Variants in RSPO2 observed in about 807,000 individuals in gnomAD.
RSPO2 encodes the protein R-spondin-2.
In RSPO2, 14 loss-of-function variants were observed where a neutral mutation model predicts 30.9. The observed-to-expected ratio is 0.45, with a 90% CI of 0.30 to 0.71. The LOEUF (loss-of-function observed/expected upper bound fraction) is 0.71, where lower values mean the gene tolerates loss of function less well. Ranked by LOEUF, RSPO2 falls within the 30% of genes least tolerant of loss-of-function variation. The probability of loss-of-function intolerance (pLI) is 0.08; values close to 1 mark genes in which losing one functional copy is unlikely to be tolerated. For missense variants in RSPO2, 264 were observed against 301.9 expected (o/e 0.87, Z 0.93); for synonymous variants, 107 against 96.4 (o/e 1.11, Z -0.64).
chr8:107,966,681 G>A (rs879042418), intron 3 of RSPO2, among the ~76,000 whole-genome samples: 1 of 152,146 alleles, frequency 6.6e-6, no homozygotes, highest in Admixed American at 6.5e-5. Context: ...CTTGGCAAAT[G>A]GACAGAGTTC....
At chr8:107,934,885 G>C (rs943614677) in intron 5 of RSPO2, among the ~76,000 whole-genome samples, 2 of 152,080 alleles carry the variant, frequency 1.3e-5, no homozygotes, top group Non-Finnish European at 2.9e-5. Context: ...AATTTCCTAT[G>C]CCTGTCTTTA....
intron 2 of RSPO2, among the ~76,000 whole-genome samples, chr8:107,992,624 G>A (rs1038058140): frequency 6.6e-6 from 1 of 152,172 alleles, no homozygotes; most frequent in East Asian, 1.9e-4. Flanking sequence ...TCCAGATAAA[G>A]ACATGAGTTC....
intron 3 of RSPO2, among the ~76,000 whole-genome samples, chr8:107,967,883 A>C (rs1473649907): frequency 1.3e-5 from 2 of 152,174 alleles, no homozygotes; most frequent in Non-Finnish European, 2.9e-5. Flanking sequence ...ACTGTGGTCA[A>C]GTCAGTGAAG....
chr8:107,954,799 C>T (rs576388885), intron 5 of RSPO2, among the ~76,000 whole-genome samples: 31 of 151,964 alleles, frequency 2.0e-4, no homozygotes, highest in African/African-American at 7.0e-4. Flanking sequence ...TTAGTAGAGG[C>T]GGGGTTTCAC....
chr8:108,000,089 C>T (rs956666358), intron 2 of RSPO2, among the ~76,000 whole-genome samples: 19 of 152,212 alleles, frequency 1.2e-4, no homozygotes, highest in South Asian at 1.2e-3. Context: ...TTAATAACTA[C>T]GGTTCAAGGA....
At position 107,900,366 on chromosome 8, in the gene RSPO2, C is replaced by CAAA. The variant is rs1398754119; in HGVS notation, c.*706_*708dup. On this transcript the variant is annotated 3_prime_UTR_variant, in exon 6 of 6. Transcript: ENST00000276659. ...AAAAAAAAAAAGTTTCAAGAGGCAA[C>CAAA]AAAACAAGTGTCAATTCCCCAAACT... 6.6e-6 allele frequency: 1 copy of CAAA among 151,818 alleles called. No individual in the cohort carries two copies. Among genetic ancestry groups the CAAA allele is most frequent in the East Asian group, 1.9e-4 (1 of 5,170 alleles). The allele number at this position is 151,818 out of a possible 1,614,324, so 9.4% of individuals were successfully genotyped here. A position where few individuals can be genotyped will look rare whatever the true frequency, so the allele number is the denominator to read the frequency against.
intron 2 of RSPO2, among the ~76,000 whole-genome samples, chr8:108,073,997 C>T (rs1420968675): frequency 6.6e-6 from 1 of 152,188 alleles, no homozygotes; most frequent in African/African-American, 2.4e-5. Flanking sequence ...AGAGATGAAA[C>T]TTGGACCTCT....
chr8:107,906,955 A>G (rs4735021), intron 5 of RSPO2, among the ~76,000 whole-genome samples: 13,558 of 151,942 alleles, frequency 0.089, 781 homozygotes, highest in East Asian at 0.18. Context: ...TTCAAATATA[A>G]GAGTTATATA....
At chr8:107,973,641 T>C (rs2130478807) in intron 3 of RSPO2, among the ~76,000 whole-genome samples, 1 of 152,268 alleles carries the variant, frequency 6.6e-6, no homozygotes, top group South Asian at 2.1e-4. Flanking sequence ...CTTTATCTGA[T>C]GTAAAATGCA....
At chr8:107,937,001 C>T (rs879618846) in intron 5 of RSPO2, among the ~76,000 whole-genome samples, 5 of 151,986 alleles carry the variant, frequency 3.3e-5, no homozygotes, top group African/African-American at 9.7e-5. Flanking sequence ...AACGTAGTCC[C>T]GTTTGTCTAT....
chr8:108,072,529 G>T (rs1162367215), intron 2 of RSPO2, among the ~76,000 whole-genome samples: 3 of 142,952 alleles, frequency 2.1e-5, no homozygotes, highest in East Asian at 2.1e-4. Context: ...TAGTAGAGAC[G>T]GGGTTTCACC....
intron 2 of RSPO2, among the ~76,000 whole-genome samples, chr8:108,014,502 T>A (rs557719309): frequency 1.3e-5 from 2 of 152,276 alleles, no homozygotes; most frequent in East Asian, 3.9e-4. Flanking sequence ...CACCATGGAA[T>A]ACTATGCAGC....
chr8:108,000,655 G>T (rs1005175139), intron 2 of RSPO2, among the ~76,000 whole-genome samples: 1 of 152,028 alleles, frequency 6.6e-6, no homozygotes, highest in African/African-American at 2.4e-5. Context: ...ACCAGTCAGA[G>T]TGAGAAGCTC....
rs181356511 is a variant in RSPO2 at position 108,000,361 on chromosome 8, A to G, written c.95-11117T>C. ...CTTGAAACAAAGCAGTGTCCCTTCAACATTTCCCACCCAAAACATAAGCAG... is the reference window on the plus strand; with the variant it reads ...CTTGAAACAAAGCAGTGTCCCTTCAGCATTTCCCACCCAAAACATAAGCAG... On this transcript the variant is annotated intron_variant, in intron 2 of 5. Coordinates refer to ENST00000276659, the MANE Select transcript of RSPO2 (RefSeq NM_178565.5). Among the ~76,000 whole-genome samples the G allele has an allele frequency of 7.8e-3, 1,190 of 152,330 alleles. 14 individuals carry two copies. Among genetic ancestry groups the G allele is most frequent in the Admixed American group, 0.023 (349 of 15,296 alleles).
At chr8:108,059,109 G>C (rs1033614278) in intron 2 of RSPO2, among the ~76,000 whole-genome samples, 1 of 151,616 alleles carries the variant, frequency 6.6e-6, no homozygotes, top group African/African-American at 2.4e-5. Context: ...ATCTGACAAA[G>C]GGCTAATATC....
At position 108,055,255 on chromosome 8, in the gene RSPO2, T is replaced by C. The variant is rs550352676; in HGVS notation, c.94+27290A>G. Among the ~76,000 whole-genome samples the C allele has an allele frequency of 1.7e-3, 252 of 152,090 alleles. 4 individuals carry two copies. Among genetic ancestry groups the C allele is most frequent in the Non-Finnish European group, 3.1e-4 (21 of 67,992 alleles). Reference sequence around the variant, plus strand: ...GAGTGAACAGCAAATGCAAAGGTAATGAGACAGGAGGAAGTCAAGAGTGTA... The same window carrying C: ...GAGTGAACAGCAAATGCAAAGGTAACGAGACAGGAGGAAGTCAAGAGTGTA... On this transcript the variant is annotated intron_variant, in intron 2 of 5. Coordinates refer to ENST00000276659, the MANE Select transcript of RSPO2 (RefSeq NM_178565.5).
intron 5 of RSPO2, among the ~76,000 whole-genome samples, chr8:107,940,377 C>T (rs991914619): frequency 6.6e-6 from 1 of 152,046 alleles, no homozygotes; most frequent in Admixed American, 6.6e-5. Context: ...TGTTATCAAC[C>T]CCTTGAGACA....
intron 5 of RSPO2, among the ~76,000 whole-genome samples, chr8:107,932,266 A>G (rs1333916978): frequency 6.6e-6 from 1 of 152,134 alleles, no homozygotes; most frequent in Non-Finnish European, 1.5e-5. Context: ...TGAAGGTGGT[A>G]GAATCCAGTG....
chr8:108,081,355 T>A (rs1813189356), intron 2 of RSPO2, among the ~76,000 whole-genome samples: 1 of 152,172 alleles, frequency 6.6e-6, no homozygotes, highest in Non-Finnish European at 1.5e-5. Context: ...TTACACACAA[T>A]GAGTTATAAA....
Sources: gnomAD v4.1 joint callset for allele counts (sites outside exome capture counted in the v4.1 genomes callset) on GRCh38, gnomAD v4.1.1 for gene constraint, MANE v1.5 for transcripts, NCBI Gene and HGNC (gene_info 2026-07-23, HGNC 2026-07-21) for gene names.